Variants in ZBTB20 observed in about 807,000 individuals in gnomAD.
The protein encoded by ZBTB20 is zinc finger and BTB domain-containing protein 20.
In ZBTB20, 9 loss-of-function variants were observed where a neutral mutation model predicts 56.9. The ratio of observed to expected loss-of-function variants is 0.16; its 90% CI spans 0.10 to 0.28. ZBTB20 has a LOEUF of 0.28. ZBTB20 is among the 10% of genes least tolerant of loss of function. ZBTB20 has a pLI of 1.00. For synonymous variants in ZBTB20, 417 were observed against 420.7 expected (o/e 0.99, Z 0.11); for missense variants, 655 against 1,003.0 (o/e 0.65, Z 4.69).
chr3:114,895,790 T>C (rs1175563561), intron 4 of ZBTB20, among the ~76,000 whole-genome samples: 1 of 152,164 alleles, frequency 6.6e-6, no homozygotes, highest in Non-Finnish European at 1.5e-5. Flanking sequence ...CCTAATTTAC[T>C]TTAATCCACA....
chr3:114,935,281 GTCAGAGTAA>G (rs1168606632), intron 3 of ZBTB20, among the ~76,000 whole-genome samples: 1 of 152,142 alleles, frequency 6.6e-6, no homozygotes, highest in Admixed American at 6.5e-5. Context: ...CTAAAATCTT[GTCAGAGTAA>G]TTCCTACCTT....
chr3:114,638,591 C>T (rs2059398919), intron 6 of ZBTB20, among the ~76,000 whole-genome samples: 2 of 152,066 alleles, frequency 1.3e-5, no homozygotes, highest in African/African-American at 4.8e-5. Context: ...ACTTCATAAA[C>T]ATTCATTTGC....
At chr3:114,644,480 G>A (rs1196796050) in intron 6 of ZBTB20, among the ~76,000 whole-genome samples, 1 of 152,056 alleles carries the variant, frequency 6.6e-6, no homozygotes, top group East Asian at 1.9e-4. Flanking sequence ...AATTATTGAT[G>A]TTGCCACGGT....
chr3:114,320,442 T>C lies in ZBTB20; in HGVS notation c.*18563A>G, dbSNP rs2693047. On this transcript the variant is annotated 3_prime_UTR_variant, in exon 12 of 12. Transcript: ENST00000675478. ...ATAGCATGATGTGCAACCTCAATTA[T>C]ATCAAAGAAAACAAATAGACAAACA... is the stretch of plus-strand genomic sequence containing the variant. 0.98 allele frequency: 149,780 copies of C among 152,338 alleles called. 73,644 individuals carry two copies. Among genetic ancestry groups the C allele is most frequent in the East Asian group, 1 (5,186 of 5,186 alleles). 9.4% of individuals were successfully genotyped at this position (152,338 alleles called of 1,614,324 possible).
chr3:114,860,850 T>G (rs904139467), intron 4 of ZBTB20, among the ~76,000 whole-genome samples: 2 of 152,224 alleles, frequency 1.3e-5, no homozygotes, highest in African/African-American at 4.8e-5. Flanking sequence ...TTACTCTTTT[T>G]TATGGTTTCA....
At chr3:114,776,064 T>A (rs1478281534) in intron 5 of ZBTB20, among the ~76,000 whole-genome samples, 1 of 143,676 alleles carries the variant, frequency 7.0e-6, no homozygotes, top group African/African-American at 2.7e-5. Context: ...ACATACAAAG[T>A]GCGGACAGGA....
intron 6 of ZBTB20, among the ~76,000 whole-genome samples, chr3:114,671,385 G>A (rs1225026488): frequency 1.3e-5 from 2 of 151,974 alleles, no homozygotes; most frequent in Non-Finnish European, 2.9e-5. Flanking sequence ...TTCTTCAAGA[G>A]GACCCCCCAA....
intron 3 of ZBTB20, among the ~76,000 whole-genome samples, chr3:114,918,575 C>A (rs2075834934): frequency 6.6e-6 from 1 of 152,152 alleles, no homozygotes; most frequent in South Asian, 2.1e-4. Context: ...CTTTAGTCAG[C>A]AGGTGATGAA....
chr3:114,442,129 C>T (rs972039130), intron 7 of ZBTB20, among the ~76,000 whole-genome samples: 3 of 151,998 alleles, frequency 2.0e-5, no homozygotes, highest in African/African-American at 7.2e-5. Context: ...GTCAGTTTCC[C>T]CCTTTTAGAT....
chr3:114,666,867 A>G lies in ZBTB20; in HGVS notation c.-295+26661T>C, dbSNP rs533250491. Among the ~76,000 whole-genome samples, 154 of 152,138 alleles carry G rather than the reference A, an allele frequency of 1.0e-3. 1 individual carries two copies. The highest frequency in any genetic ancestry group is 3.6e-3 in the African/African-American group (150 of 41,562). The stretch of plus-strand genomic sequence containing the variant: ...TCTATGGGTTGAAATTCCACAGAAC[A>G]ATGCTTTGCAAAGAGTCATACCACC... On this transcript the variant is annotated intron_variant, in intron 6 of 11. Coordinates refer to ENST00000675478, the MANE Select transcript of ZBTB20 (RefSeq NM_001348800.3).
Position 114,319,153 on chromosome 3 carries a change from T to A in ZBTB20, c.*19852A>T, listed in dbSNP as rs2078801324. On this transcript the variant is annotated 3_prime_UTR_variant, in exon 12 of 12. Transcript: ENST00000675478. ...AAGGGCAAACTTTTCGATTAGTTTTTTTCTTTTTTTTTTTTTAAATAATGT... is the reference window on the plus strand; with the variant it reads ...AAGGGCAAACTTTTCGATTAGTTTTATTCTTTTTTTTTTTTTAAATAATGT... 1 of 151,754 alleles carries A rather than the reference T, an allele frequency of 6.6e-6. No individual in the cohort carries two copies. Among genetic ancestry groups the A allele is most frequent in the Non-Finnish European group, 1.5e-5 (1 of 67,932 alleles). The allele number at this position is 151,754 out of a possible 1,614,324, so 9.4% of individuals were successfully genotyped here. A position where few individuals can be genotyped will look rare whatever the true frequency, so the allele number is the denominator to read the frequency against.
At position 114,479,289 on chromosome 3, in the gene ZBTB20, G is replaced by A. The variant is rs547073362; in HGVS notation, c.-255+21063C>T. On this transcript the variant is annotated intron_variant, in intron 7 of 11. Coordinates refer to ENST00000675478, the MANE Select transcript of ZBTB20 (RefSeq NM_001348800.3). ...AATATCTAAGTCTGCCTTCAAGGAAGGACTTATAAAAAAAAATCACCATGT... is the reference window on the plus strand; with the variant it reads ...AATATCTAAGTCTGCCTTCAAGGAAAGACTTATAAAAAAAAATCACCATGT... Among the ~76,000 whole-genome samples the A allele has an allele frequency of 4.6e-5, 7 of 152,042 alleles. No individual in the cohort carries two copies. The South Asian group carries it at 1.5e-3, about 32-fold the overall frequency.
rs1432958496 is a variant in ZBTB20 at position 114,949,109 on chromosome 3, A to G, written c.-456+25257T>C. Among the ~76,000 whole-genome samples, 10 of 146,316 alleles carry G rather than the reference A, an allele frequency of 6.8e-5. 1 individual carries two copies. The highest frequency in any genetic ancestry group is 2.8e-4 in the African/African-American group (10 of 35,970). On this transcript the variant is annotated intron_variant, in intron 3 of 11. Transcript: ENST00000675478. ...TAGATTCCTGGAATAAGAGTCCAGA[A>G]ATATGTCCATGAATATGTAGGCAGT...
At chr3:115,066,087 G>T (rs943015051) in intron 2 of ZBTB20, among the ~76,000 whole-genome samples, 1 of 152,098 alleles carries the variant, frequency 6.6e-6, no homozygotes, top group Non-Finnish European at 1.5e-5. Flanking sequence ...TTCAGCTTCA[G>T]CATAACACAC....
chr3:114,914,206 G>T (rs2075653346), intron 3 of ZBTB20, among the ~76,000 whole-genome samples: 2 of 152,120 alleles, frequency 1.3e-5, no homozygotes, highest in South Asian at 4.1e-4. Context: ...TCCAATTCAT[G>T]AACATGGAAT....
intron 7 of ZBTB20, among the ~76,000 whole-genome samples, chr3:114,470,237 T>C (rs919054859): frequency 1.1e-4 from 16 of 152,166 alleles, no homozygotes; most frequent in African/African-American, 3.6e-4. Context: ...AAAGACACTT[T>C]TATACTACTA....
intron 6 of ZBTB20, among the ~76,000 whole-genome samples, chr3:114,574,072 T>A (rs1423975082): frequency 6.6e-6 from 1 of 152,168 alleles, no homozygotes; most frequent in Non-Finnish European, 1.5e-5. Flanking sequence ...AGTTGTGTTA[T>A]TTTATAAACT....
At chr3:114,860,911 G>A (rs752731217) in intron 4 of ZBTB20, among the ~76,000 whole-genome samples, 2 of 152,164 alleles carry the variant, frequency 1.3e-5, no homozygotes, top group Admixed American at 6.5e-5. Flanking sequence ...ACTGGGAATC[G>A]CCTCATAAGC....
chr3:114,558,900 C>G (rs151162448), intron 6 of ZBTB20, among the ~76,000 whole-genome samples: 61 of 152,232 alleles, frequency 4.0e-4, no homozygotes, highest in Admixed American at 6.5e-4. Flanking sequence ...AGTTGCTATT[C>G]CAATTTGCCT....
Sources: allele counts gnomAD v4.1 joint callset (sites outside exome capture counted in the v4.1 genomes callset), GRCh38; gene constraint gnomAD v4.1.1; transcripts MANE v1.5; gene names NCBI Gene and HGNC (gene_info 2026-07-23, HGNC 2026-07-21).